Variants in INSC observed in about 807,000 individuals in gnomAD.
INSC encodes the protein INSC spindle orientation adaptor protein, also known as protein inscuteable homolog.
In INSC, 67 loss-of-function variants were observed where a neutral mutation model predicts 58.6. That is an observed-to-expected ratio of 1.14 (90% CI 0.94 to 1.40). The LOEUF (loss-of-function observed/expected upper bound fraction) is 1.40. Ranked by LOEUF, INSC falls within the 40% of genes most tolerant of loss-of-function variation. The pLI is 0.00. For missense variants in INSC, 714 were observed against 692.0 expected (o/e 1.03, Z -0.36); for synonymous variants, 262 against 276.1 (o/e 0.95, Z 0.51).
chr11:15,244,410 T>G (rs1214950271), intron 12 of INSC, among the ~76,000 whole-genome samples: 1 of 152,128 alleles, frequency 6.6e-6, no homozygotes, highest in African/African-American at 2.4e-5. Context: ...GGCCTGGACA[T>G]GACAGCACCT....
chr11:15,264,226 T>G, the INSC span, among the ~76,000 whole-genome samples: 3 of 132,232 alleles, frequency 2.3e-5, no homozygotes, highest in African/African-American at 8.7e-5. Flanking sequence ...CTCTCTCTGG[T>G]CCTCTATCTA....
intron 1 of INSC, among the ~76,000 whole-genome samples, chr11:15,121,552 C>T (rs1303123355): frequency 6.6e-6 from 1 of 152,204 alleles, no homozygotes; most frequent in African/African-American, 2.4e-5. Context: ...TAATGTCTGC[C>T]AGTTTCTCCA....
At chr11:15,149,283 C>G in intron 2 of INSC, 53 bp downstream of exon 2, 4 of 1,414,402 alleles carry the variant, frequency 2.8e-6, no homozygotes, top group Non-Finnish European at 3.7e-6. Context: ...TGAACCGTGA[C>G]TGAGGCCCAG....
intron 1 of INSC, among the ~76,000 whole-genome samples, chr11:15,127,000 G>T (rs1848012191): frequency 6.6e-6 from 1 of 152,202 alleles, no homozygotes; most frequent in Admixed American, 6.5e-5. Context: ...CATCTCACTG[G>T]TGGTCCTGAT....
chr11:15,191,201 G>A (rs1301223715), intron 6 of INSC, among the ~76,000 whole-genome samples: 3 of 152,106 alleles, frequency 2.0e-5, no homozygotes, highest in South Asian at 2.1e-4. Context: ...GGATGGTCTC[G>A]ATCTCCTGAT....
intron 6 of INSC, among the ~76,000 whole-genome samples, chr11:15,191,258 C>T (rs1214828875): frequency 3.3e-5 from 5 of 152,178 alleles, no homozygotes; most frequent in East Asian, 1.9e-4. Flanking sequence ...GGATTACAGG[C>T]GTGAGCCACC....
chr11:15,212,712 A>G (rs938368240), intron 7 of INSC, among the ~76,000 whole-genome samples: 4 of 152,104 alleles, frequency 2.6e-5, no homozygotes, highest in African/African-American at 9.7e-5. Flanking sequence ...TGCTTGCTAT[A>G]TTTACTTACT....
chr11:15,150,389 G>A (rs1264879631), intron 2 of INSC, among the ~76,000 whole-genome samples: 1 of 152,174 alleles, frequency 6.6e-6, no homozygotes, highest in Admixed American at 6.5e-5. Context: ...ATAACACCAT[G>A]GTTATTGTCT....
intron 5 of INSC, among the ~76,000 whole-genome samples, chr11:15,185,250 T>G (rs964908500): frequency 2.0e-5 from 3 of 152,200 alleles, no homozygotes; most frequent in African/African-American, 7.2e-5. Flanking sequence ...GGTTAAGCAA[T>G]GTAGTACACA....
At chr11:15,128,728 G>A (rs1848056832) in intron 1 of INSC, among the ~76,000 whole-genome samples, 1 of 152,170 alleles carries the variant, frequency 6.6e-6, no homozygotes, top group South Asian at 2.1e-4. Flanking sequence ...CTTAGTCTGG[G>A]GTAGCCCTCA....
chr11:15,169,530 GTTGTTTGTTTGT>G (rs751817712), intron 2 of INSC, among the ~76,000 whole-genome samples: 216 of 131,792 alleles, frequency 1.6e-3, no homozygotes, highest in African/African-American at 5.2e-3. Flanking sequence ...TGTTGTTGTT[GTTGTTTGTTTGT>G]TTGTTTGTTT....
chr11:15,227,734 G>A (rs571101778), intron 9 of INSC, among the ~76,000 whole-genome samples: 2 of 152,306 alleles, frequency 1.3e-5, no homozygotes, highest in South Asian at 2.1e-4. Flanking sequence ...AGTAGAGAGG[G>A]AGACAGGAGG....
intron 7 of INSC, among the ~76,000 whole-genome samples, chr11:15,207,827 T>G (rs1180269815): frequency 6.6e-6 from 1 of 152,250 alleles, no homozygotes. Context: ...TATGCCCATT[T>G]GCTTTTCACG....
chr11:15,237,596 A>G (rs1344258363), intron 10 of INSC, among the ~76,000 whole-genome samples: 1 of 152,208 alleles, frequency 6.6e-6, no homozygotes, highest in Non-Finnish European at 1.5e-5. Context: ...AATGGTGTCA[A>G]TGCAACTGGT....
Position 15,206,741 on chromosome 11 carries a change from C to T in INSC, c.819+5792C>T, listed in dbSNP as rs547566446. On this transcript the variant is annotated intron_variant, in intron 7 of 12. Transcript: ENST00000379556. ...AGCAAGTCACTTCTCCTGTCTGAAT[C>T]CCAGCTTCATCTTCTGTAAAATGGG... Among the ~76,000 whole-genome samples the T allele has an allele frequency of 2.6e-5, 4 of 152,246 alleles. No individual in the cohort carries two copies. The East Asian group carries it at 7.7e-4, about 29-fold the overall frequency.
intron 7 of INSC, among the ~76,000 whole-genome samples, chr11:15,217,691 T>C (rs1224357447): frequency 6.6e-6 from 1 of 152,052 alleles, no homozygotes; most frequent in East Asian, 1.9e-4. Context: ...TTGGCCCCTA[T>C]GAAAAGATGC....
At chr11:15,112,782 G>A (rs982478131), upstream of INSC, among the ~76,000 whole-genome samples, 6 of 152,104 alleles carry the variant, frequency 3.9e-5, no homozygotes, top group African/African-American at 9.6e-5. Context: ...TGCTAACATC[G>A]ATCTGTTTAT....
Position 15,144,759 on chromosome 11 carries a change from C to T in INSC, c.-45-4371C>T, listed in dbSNP as rs537476290. 2.0e-5 allele frequency among the ~76,000 whole-genome samples: 3 copies of T among 152,332 alleles called. No individual in the cohort carries two copies. In the South Asian group the frequency reaches 6.2e-4, roughly 32 times the overall value. ...AATTTACTGTAAATAGCCTCCATTT[C>T]CTCCACAAACCCTGTGTCGTTAGCC... On this transcript the variant is annotated intron_variant, in intron 1 of 12. Coordinates refer to ENST00000379556, the MANE Select transcript of INSC (RefSeq NM_001042536.3).
At chr11:15,264,335 G>A in the INSC span, among the ~76,000 whole-genome samples, 1 of 149,012 alleles carries the variant, frequency 6.7e-6, no homozygotes, top group African/African-American at 2.5e-5. Flanking sequence ...GCGTATCTCT[G>A]ACTGAAGGCA....
Sources: gnomAD v4.1 joint callset for allele counts (sites outside exome capture counted in the v4.1 genomes callset) on GRCh38, gnomAD v4.1.1 for gene constraint, MANE v1.5 for transcripts, NCBI Gene and HGNC (gene_info 2026-07-23, HGNC 2026-07-21) for gene names.